The following DNAI7 variants were observed in gnomAD, a reference collection of about 807,000 sequenced individuals.
DNAI7 encodes the protein dynein axonemal intermediate chain 7.
In DNAI7, 78 loss-of-function variants were observed where a neutral mutation model predicts 86.6. The observed-to-expected ratio is 0.90, with a 90% CI of 0.75 to 1.09. The LOEUF (loss-of-function observed/expected upper bound fraction) is 1.09. Among genes scored for constraint, DNAI7 ranks in the 50% least tolerant of loss-of-function variants. The pLI is 0.00. For missense variants in DNAI7, 753 were observed against 810.2 expected, an observed-to-expected ratio of 0.93 and a Z score of 0.86; for synonymous variants, 274 against 273.0, an observed-to-expected ratio of 1.00 and a Z score of -0.04.
chr12:25,122,151 C>T (rs1229201687), intron 10 of DNAI7, among the ~76,000 whole-genome samples: 3 of 152,172 alleles, frequency 2.0e-5, no homozygotes, highest in East Asian at 1.9e-4. Context: ...TGAAACCATA[C>T]AATAAGCATG....
chr12:25,191,192 C>G (rs1950481548), intron 1 of DNAI7, among the ~76,000 whole-genome samples: 1 of 152,170 alleles, frequency 6.6e-6, no homozygotes, highest in South Asian at 2.1e-4. Flanking sequence ...GCGGGAGGAT[C>G]ACCTGAACCC....
chr12:25,131,830 C>T (rs1942964923), intron 9 of DNAI7, among the ~76,000 whole-genome samples: 1 of 152,240 alleles, frequency 6.6e-6, no homozygotes, highest in African/African-American at 2.4e-5. Context: ...AATAAACATT[C>T]ATTGAGCCCT....
At chr12:25,134,598 C>G (rs1420474744) in intron 9 of DNAI7, among the ~76,000 whole-genome samples, 1 of 151,884 alleles carries the variant, frequency 6.6e-6, no homozygotes, top group African/African-American at 2.4e-5. Context: ...CTCAGGTGAC[C>G]CACCTGCCTC....
intron 12 of DNAI7, among the ~76,000 whole-genome samples, chr12:25,115,087 C>T (rs1939799378): frequency 1.3e-5 from 2 of 152,216 alleles, no homozygotes; most frequent in South Asian, 4.1e-4. Context: ...GAAGCTTTGA[C>T]TCACTTTCTT....
intron 2 of DNAI7, among the ~76,000 whole-genome samples, chr12:25,167,756 T>C (rs1022449724): frequency 3.3e-5 from 5 of 152,112 alleles, no homozygotes; most frequent in East Asian, 3.9e-4. Flanking sequence ...CCCCAGACAT[T>C]TGACATCAGC....
At chr12:25,136,288 G>A (rs1943546692) in intron 9 of DNAI7, among the ~76,000 whole-genome samples, 2 of 152,170 alleles carry the variant, frequency 1.3e-5, no homozygotes, top group Non-Finnish European at 2.9e-5. Context: ...GCTCCACTGG[G>A]TGGATAGACC....
At chr12:25,169,427 G>C (rs952997837) in intron 2 of DNAI7, among the ~76,000 whole-genome samples, 1 of 151,946 alleles carries the variant, frequency 6.6e-6, no homozygotes, top group Non-Finnish European at 1.5e-5. Flanking sequence ...CTCTCTTTTC[G>C]GACTCAGCCT....
At chr12:25,175,498 C>T (rs968846282) in intron 2 of DNAI7, among the ~76,000 whole-genome samples, 2 of 151,992 alleles carry the variant, frequency 1.3e-5, no homozygotes, top group African/African-American at 2.4e-5. Context: ...AGGTGCCTGC[C>T]GCCACTCCAG....
Position 25,160,106 on chromosome 12 carries a change from TTTTTG to T in DNAI7, c.106+1002_106+1006del, listed in dbSNP as rs768586432. Among the ~76,000 whole-genome samples the T allele has an allele frequency of 5.3e-4, 81 of 152,210 alleles. 1 individual carries two copies. The highest frequency in any genetic ancestry group is 1.1e-3 in the African/African-American group (45 of 41,538). On this transcript the variant is annotated intron_variant, in intron 3 of 15. Coordinates refer to ENST00000395987, the MANE Select transcript of DNAI7 (RefSeq NM_018272.5). ...ACAGCACCAATGCTCCTAATTTCTT[TTTTTG>T]TTTTGTTTTATTTATTCTTTTATTT...
Position 25,118,410 on chromosome 12 carries a change from T to G in DNAI7, c.1396+735A>C, listed in dbSNP as rs1940621664. 2.6e-5 allele frequency among the ~76,000 whole-genome samples: 4 copies of G among 151,812 alleles called. No individual in the cohort carries two copies. The South Asian group carries it at 8.3e-4, about 32-fold the overall frequency. On this transcript the variant is annotated intron_variant, in intron 12 of 15. Transcript: ENST00000395987. ...TGCGGAGTAGCTGGGATTACAGGTG[T>G]GTGCCACCACGCCCCGCTCATTTTC... is the stretch of plus-strand genomic sequence containing the variant.
intron 6 of DNAI7, among the ~76,000 whole-genome samples, chr12:25,152,619 C>A (rs1346292246): frequency 2.0e-5 from 3 of 152,158 alleles, no homozygotes; most frequent in Non-Finnish European, 4.4e-5. Context: ...GTTTTGTGAG[C>A]CATTACAGCA....
intron 3 of DNAI7, among the ~76,000 whole-genome samples, chr12:25,159,746 C>G (rs891548093): frequency 2.0e-5 from 3 of 151,830 alleles, no homozygotes; most frequent in African/African-American, 7.3e-5. Context: ...ATAAAACATG[C>G]CCCAAGATAT....
chr12:25,161,559 C>A (rs945187755), intron 2 of DNAI7, among the ~76,000 whole-genome samples: 35 of 152,146 alleles, frequency 2.3e-4, no homozygotes, highest in Non-Finnish European at 1.5e-5. Flanking sequence ...TTGAAAACTA[C>A]ACTTATAAAA....
At chr12:25,126,588 T>C (rs940885438) in intron 9 of DNAI7, among the ~76,000 whole-genome samples, 1 of 151,878 alleles carries the variant, frequency 6.6e-6, no homozygotes, top group African/African-American at 2.4e-5. Context: ...GTGTTGGATT[T>C]AGGTAATTAA....
intron 11 of DNAI7, among the ~76,000 whole-genome samples, chr12:25,120,830 C>G (rs1164989655): frequency 2.6e-5 from 4 of 152,236 alleles, no homozygotes; most frequent in African/African-American, 9.6e-5. Context: ...GATCTAACAA[C>G]TATTATCACC....
chr12:25,181,519 C>G (rs1477797470), intron 2 of DNAI7, among the ~76,000 whole-genome samples: 1 of 151,964 alleles, frequency 6.6e-6, no homozygotes, highest in African/African-American at 2.4e-5. Flanking sequence ...AAAGCAATTG[C>G]AACAAAAACA....
At position 25,119,213 on chromosome 12, in the gene DNAI7, A is replaced by AC; in HGVS notation, c.1327dup (p.Val443GlyfsTer4). 6.2e-7 allele frequency: 1 copy of AC among 1,612,760 alleles called. No homozygotes were observed. Among genetic ancestry groups the AC allele is most frequent in the Non-Finnish European group, 8.5e-7 (1 of 1,179,154 alleles). ...TACATTCTCATGAACCTCAAGTGTG[A>AC]CCTCTATAGGTGGGAAAGCATTTTC... On this transcript the variant is annotated frameshift_variant, in exon 12 of 16. Coordinates refer to ENST00000395987, the MANE Select transcript of DNAI7 (RefSeq NM_018272.5). LOFTEE classifies it high-confidence loss of function.
At position 25,153,085 on chromosome 12, in the gene DNAI7, C is replaced by T. The variant is rs370637250; in HGVS notation, c.438+1234G>A. Reference sequence around the variant, plus strand: ...TCTTTCATATTTTCTATCTCTTTGTCTCTGTGCTGTCTTCTGGTAAATTTT... The same window carrying T: ...TCTTTCATATTTTCTATCTCTTTGTTTCTGTGCTGTCTTCTGGTAAATTTT... On this transcript the variant is annotated intron_variant, in intron 6 of 15. Transcript: ENST00000395987. Among the ~76,000 whole-genome samples, 23 of 152,172 alleles carry T rather than the reference C, an allele frequency of 1.5e-4. 1 individual carries two copies. Among genetic ancestry groups the T allele is most frequent in the African/African-American group, 5.3e-4 (22 of 41,496 alleles).
chr12:25,167,322 C>T (rs1440049462), intron 2 of DNAI7, among the ~76,000 whole-genome samples: 1 of 152,278 alleles, frequency 6.6e-6, no homozygotes, highest in Non-Finnish European at 1.5e-5. Context: ...CTTCCCTACA[C>T]ATCAAGCTCG....
Sources: gnomAD v4.1 joint callset for allele counts (sites outside exome capture counted in the v4.1 genomes callset) on GRCh38, gnomAD v4.1.1 for gene constraint, MANE v1.5 for transcripts, NCBI Gene and HGNC (gene_info 2026-07-23, HGNC 2026-07-21) for gene names.